Variants in ERBB4 observed in about 807,000 individuals in gnomAD.
ERBB4 encodes erb-b2 receptor tyrosine kinase 4.
ERBB4 carries 42 observed loss-of-function variants against 158.0 expected under a neutral mutation model. The ratio of observed to expected loss-of-function variants is 0.27; its 90% CI spans 0.21 to 0.34. ERBB4 has a LOEUF of 0.34. Among genes scored for constraint, ERBB4 ranks in the 10% least tolerant of loss-of-function variants. The probability of loss-of-function intolerance (pLI) is 1.00; values close to 1 mark genes in which losing one functional copy is unlikely to be tolerated. For synonymous variants in ERBB4, 583 were observed against 558.7 expected, an observed-to-expected ratio of 1.04 and a Z score of -0.61; for missense variants, 1,333 against 1,624.1, an observed-to-expected ratio of 0.82 and a Z score of 3.08.
chr2:212,368,188 A>T (rs542965067), intron 1 of ERBB4, among the ~76,000 whole-genome samples: 13 of 152,262 alleles, frequency 8.5e-5, no homozygotes, highest in Middle Eastern at 3.4e-3. Flanking sequence ...AATGCCCATC[A>T]ATCAATGAAT....
chr2:212,012,133 T>C (rs2076403102), intron 2 of ERBB4, among the ~76,000 whole-genome samples: 1 of 152,228 alleles, frequency 6.6e-6, no homozygotes, highest in Non-Finnish European at 1.5e-5. Context: ...TTGTTCTTAT[T>C]ACTACTCAAA....
intron 1 of ERBB4, among the ~76,000 whole-genome samples, chr2:212,302,430 C>G (rs547033904): frequency 2.6e-4 from 40 of 151,574 alleles, no homozygotes; most frequent in African/African-American, 9.6e-4. Context: ...TTCAGTATAA[C>G]AGAATCAATC....
intron 3 of ERBB4, among the ~76,000 whole-genome samples, chr2:211,876,302 TACTCTA>T (rs1364265696): frequency 1.3e-5 from 2 of 152,156 alleles, no homozygotes; most frequent in Non-Finnish European, 2.9e-5. Flanking sequence ...CTCTTAATTT[TACTCTA>T]ACTCTATCTC....
intron 3 of ERBB4, among the ~76,000 whole-genome samples, chr2:211,861,081 T>TA (rs1559585649): frequency 0.034 from 1,687 of 49,484 alleles, 200 homozygotes; most frequent in Non-Finnish European, 0.044. Context: ...TATTTATATA[T>TA]TATAAAATAT....
At chr2:212,122,730 T>C (rs1376262668) in intron 2 of ERBB4, among the ~76,000 whole-genome samples, 1 of 151,950 alleles carries the variant, frequency 6.6e-6, no homozygotes, top group Non-Finnish European at 1.5e-5. Flanking sequence ...TAAAGTCTAT[T>C]TTTTATCATT....
At chr2:212,172,089 C>A (rs1444335818) in intron 1 of ERBB4, among the ~76,000 whole-genome samples, 2 of 151,738 alleles carry the variant, frequency 1.3e-5, no homozygotes, top group African/African-American at 4.8e-5. Flanking sequence ...CACAACCCCC[C>A]AAAAAAGTGA....
chr2:211,630,486 G>C lies in ERBB4; in HGVS notation c.2055C>G (p.Ala685=), dbSNP rs541175676. 9.3e-6 allele frequency: 15 copies of C among 1,613,266 alleles called. No individual in the cohort carries two copies. Among genetic ancestry groups the C allele is most frequent in the African/African-American group, 1.3e-5 (1 of 74,900 alleles). Reference sequence around the variant, plus strand: ...CCTCTGTTTCCAAGAATCTTCTCAAGGCTCTTTTCTTTTTGATGCTCTTCC... The same window carrying C: ...CCTCTGTTTCCAAGAATCTTCTCAACGCTCTTTTCTTTTTGATGCTCTTCC... The part of the protein sequence containing the change: ...VRRKSIKKKR[A]LRRFLETELV... Residue 685 remains alanine (A), a synonymous_variant, in exon 17 of 28, where the codon GCC becomes GCG. Coordinates refer to ENST00000342788, the MANE Select transcript of ERBB4 (RefSeq NM_005235.3).
intron 1 of ERBB4, among the ~76,000 whole-genome samples, chr2:212,420,333 T>C (rs13387495): frequency 0.093 from 14,099 of 152,080 alleles, 895 homozygotes; most frequent in Non-Finnish European, 0.15. Flanking sequence ...CAGCCCACAG[T>C]TATGCTCAGG....
chr2:211,947,732 A>T lies in ERBB4; in HGVS notation c.235-116T>A, dbSNP rs1008685165. The T allele has an allele frequency of 1.0e-5, 8 of 791,364 alleles. No homozygotes were observed. In the East Asian group the frequency reaches 2.1e-4, roughly 21 times the overall value. 49.0% of individuals were successfully genotyped at this position (791,364 alleles called of 1,614,324 possible). A position where few individuals can be genotyped will look rare whatever the true frequency, so the allele number is the denominator to read the frequency against. On this transcript the variant is annotated intron_variant, in intron 2 of 27. Coordinates refer to ENST00000342788, the MANE Select transcript of ERBB4 (RefSeq NM_005235.3). ...TAATTTTCAGTTTTTAGTTTAATAC[A>T]TTATTTTCCATATCATATTCTAAAG...
chr2:212,412,270 A>C (rs1424382746), intron 1 of ERBB4, among the ~76,000 whole-genome samples: 1 of 152,124 alleles, frequency 6.6e-6, no homozygotes, highest in Non-Finnish European at 1.5e-5. Flanking sequence ...CTGTGTCCCC[A>C]CCAAATCTCA....
chr2:212,501,295 G>A (rs1433745593), intron 1 of ERBB4, among the ~76,000 whole-genome samples: 2 of 152,170 alleles, frequency 1.3e-5, no homozygotes, highest in East Asian at 1.9e-4. Flanking sequence ...ATCTTAGGAT[G>A]CCTGATTTGT....
chr2:211,936,223 G>A (rs373686259), intron 3 of ERBB4, among the ~76,000 whole-genome samples: 13 of 150,214 alleles, frequency 8.7e-5, no homozygotes, highest in Admixed American at 2.7e-4. Context: ...TTCTGAGACC[G>A]CCACTTAAAA....
intron 3 of ERBB4, among the ~76,000 whole-genome samples, chr2:211,829,959 T>G (rs4606869): frequency 6.6e-6 from 1 of 152,052 alleles, no homozygotes; most frequent in Admixed American, 6.6e-5. Flanking sequence ...CCAATCACAT[T>G]ACTTGGAGTG....
In ERBB4 at chr2:211,781,462, C is replaced by T. The variant is rs563149129; in HGVS notation, c.556+6563G>A. On this transcript the variant is annotated intron_variant, in intron 4 of 27. Transcript: ENST00000342788. ...AACTAAGAATGAGTGATGTACCTGG[C>T]GTAATCAAAGAAAAAGGTTGTAGGG... is the stretch of plus-strand genomic sequence containing the variant. Among the ~76,000 whole-genome samples, 6 of 152,120 alleles carry T rather than the reference C, an allele frequency of 3.9e-5. No individual in the cohort carries two copies. The East Asian group carries it at 7.8e-4, about 20-fold the overall frequency.
At chr2:211,600,174 A>G (rs2068757820) in intron 19 of ERBB4, among the ~76,000 whole-genome samples, 1 of 152,186 alleles carries the variant, frequency 6.6e-6, no homozygotes, top group South Asian at 2.1e-4. Context: ...AAAACAAAAC[A>G]AGGTCAGAAG....
chr2:212,228,978 C>G (rs2083571802), intron 1 of ERBB4, among the ~76,000 whole-genome samples: 1 of 152,154 alleles, frequency 6.6e-6, no homozygotes, highest in African/African-American at 2.4e-5. Context: ...AATCTCTGTA[C>G]TTGAAAAATA....
intron 3 of ERBB4, among the ~76,000 whole-genome samples, chr2:211,883,688 A>G (rs2078722500): frequency 6.6e-6 from 1 of 152,136 alleles, no homozygotes; most frequent in African/African-American, 2.4e-5. Flanking sequence ...TGGGAGGCAG[A>G]GGCTGAGGCA....
chr2:212,378,323 T>C (rs946474917), intron 1 of ERBB4, among the ~76,000 whole-genome samples: 3 of 151,892 alleles, frequency 2.0e-5, no homozygotes, highest in African/African-American at 7.2e-5. Context: ...ATAGAACCAA[T>C]GTTCTTTGTC....
chr2:211,728,339 A>ATT (rs999872451), intron 5 of ERBB4, among the ~76,000 whole-genome samples: 8 of 151,620 alleles, frequency 5.3e-5, no homozygotes, highest in Admixed American at 2.0e-4. Flanking sequence ...TGATACACAC[A>ATT]TTATATATAT....
Sources: gnomAD v4.1 joint callset for allele counts (sites outside exome capture counted in the v4.1 genomes callset) on GRCh38, gnomAD v4.1.1 for gene constraint, MANE v1.5 for transcripts, NCBI Gene and HGNC (gene_info 2026-07-23, HGNC 2026-07-21) for gene names.